The following GPC5 variants were observed in gnomAD, a reference collection of about 807,000 sequenced individuals.
GPC5 encodes glypican 5.
A neutral mutation model predicts 53.9 loss-of-function variants in GPC5; 47 were observed. That is an observed-to-expected ratio of 0.87 (90% CI 0.69 to 1.11). The LOEUF (loss-of-function observed/expected upper bound fraction) is 1.11, where lower values mean the gene tolerates loss of function less well. GPC5 is among the 50% of genes most tolerant of loss of function. The pLI is 0.00. For missense variants in GPC5, 748 were observed against 713.1 expected (o/e 1.05, Z -0.56); for synonymous variants, 286 against 263.3 (o/e 1.09, Z -0.84).
At chr13:92,422,910 A>AT (rs1413029462) in intron 7 of GPC5, among the ~76,000 whole-genome samples, 1 of 152,218 alleles carries the variant, frequency 6.6e-6, no homozygotes, top group Admixed American at 6.5e-5. Flanking sequence ...AGAATTCTGT[A>AT]TTTTGCATTA....
At chr13:91,713,746 A>G (rs1385977060) in intron 3 of GPC5, among the ~76,000 whole-genome samples, 1 of 152,216 alleles carries the variant, frequency 6.6e-6, no homozygotes, top group Non-Finnish European at 1.5e-5. Flanking sequence ...TCTTTAGTAC[A>G]TCCACTTAGA....
chr13:91,414,937 A>G (rs1878083338), intron 1 of GPC5, among the ~76,000 whole-genome samples: 1 of 152,206 alleles, frequency 6.6e-6, no homozygotes, highest in African/African-American at 2.4e-5. Flanking sequence ...GACACCCTTC[A>G]TGGTTCTCTA....
intron 7 of GPC5, among the ~76,000 whole-genome samples, chr13:92,222,086 G>A (rs1449371484): frequency 6.6e-6 from 1 of 152,096 alleles, no homozygotes; most frequent in African/African-American, 2.4e-5. Flanking sequence ...ACTAATCTGT[G>A]CAGTGTAGCA....
Position 91,948,447 on chromosome 13 carries a change from GGC to G in GPC5, c.1401+40391_1401+40392del, listed in dbSNP as rs375167001. Among the ~76,000 whole-genome samples the G allele has an allele frequency of 3.2e-3, 482 of 151,908 alleles. 6 individuals carry two copies. The highest frequency in any genetic ancestry group is 0.011 in the African/African-American group (453 of 41,442). ...GTACTACTTTCTAGGCACTGTTTTG[GGC>G]TGGGGATACATCAATGAATTCTCTC... On this transcript the variant is annotated intron_variant, in intron 6 of 7. Transcript: ENST00000377067.
intron 2 of GPC5, among the ~76,000 whole-genome samples, chr13:91,590,085 C>A (rs930020089): frequency 2.8e-4 from 42 of 151,458 alleles, no homozygotes; most frequent in African/African-American, 4.8e-4. Context: ...ATATATATGA[C>A]CTTTCATATC....
intron 7 of GPC5, among the ~76,000 whole-genome samples, chr13:92,726,741 A>T (rs953555623): frequency 6.6e-6 from 1 of 151,568 alleles, no homozygotes; most frequent in African/African-American, 2.4e-5. Context: ...TCTGAAACAA[A>T]GTTAAGCTAT....
In GPC5 at chr13:92,663,856, CTATATATATA is replaced by C. The variant is rs201565650; in HGVS notation, c.1562-202387_1562-202378del. 5.8e-3 allele frequency among the ~76,000 whole-genome samples: 511 copies of C among 88,338 alleles called. 6 individuals are homozygous for C. Among genetic ancestry groups the C allele is most frequent in the African/African-American group, 0.019 (392 of 20,692 alleles). The allele number at this position is 88,338 out of a possible 152,430, so 58.0% of individuals were successfully genotyped here. On this transcript the variant is annotated intron_variant, in intron 7 of 7. Transcript: ENST00000377067. ...CACTATATATATATACACACACACA[CTATATATATA>C]TATATATATATATATATATATATAT...
intron 7 of GPC5, among the ~76,000 whole-genome samples, chr13:92,860,422 A>T (rs958417509): frequency 5.3e-5 from 8 of 152,118 alleles, no homozygotes; most frequent in South Asian, 2.1e-4. Context: ...AAAACAACTC[A>T]TCATTTTAAA....
intron 5 of GPC5, among the ~76,000 whole-genome samples, chr13:91,782,145 G>A (rs1211821569): frequency 6.6e-6 from 1 of 152,108 alleles, no homozygotes; most frequent in Non-Finnish European, 1.5e-5. Flanking sequence ...AGCTCTTTCG[G>A]CTGTTTCTCA....
chr13:92,270,735 T>C (rs1594054228), intron 7 of GPC5, among the ~76,000 whole-genome samples: 2 of 152,220 alleles, frequency 1.3e-5, no homozygotes, highest in African/African-American at 2.4e-5. Flanking sequence ...TGTTTCATAA[T>C]AGAAAATCCC....
At chr13:91,654,708 C>A (rs1351401328) in intron 2 of GPC5, among the ~76,000 whole-genome samples, 2 of 152,126 alleles carry the variant, frequency 1.3e-5, no homozygotes, top group Non-Finnish European at 2.9e-5. Flanking sequence ...GTATTTACTG[C>A]AGTGCATTTA....
intron 7 of GPC5, among the ~76,000 whole-genome samples, chr13:92,192,172 A>G (rs1404185269): frequency 6.6e-6 from 1 of 151,900 alleles, no homozygotes. Context: ...ACTTGTTATT[A>G]TACATTTGTC....
intron 7 of GPC5, among the ~76,000 whole-genome samples, chr13:92,533,575 C>T (rs750059952): frequency 6.6e-6 from 1 of 152,072 alleles, no homozygotes; most frequent in Non-Finnish European, 1.5e-5. Context: ...GTACCTAAAA[C>T]AGGTATCTCC....
At chr13:91,879,982 T>C (rs1353299130) in intron 5 of GPC5, among the ~76,000 whole-genome samples, 1 of 152,126 alleles carries the variant, frequency 6.6e-6, no homozygotes, top group Non-Finnish European at 1.5e-5. Flanking sequence ...GTAATAGTTA[T>C]ATTTGCTTTG....
rs371524418 is a variant in GPC5 at position 92,743,203 on chromosome 13, C to T, written c.1562-123079C>T. Among the ~76,000 whole-genome samples, 19 of 151,900 alleles carry T rather than the reference C, an allele frequency of 1.3e-4. No individual in the cohort carries two copies. In the East Asian group the frequency reaches 2.3e-3, roughly 19 times the overall value. Reference sequence around the variant, plus strand: ...TATGGCCATTTTCACGATATTGATTCTTCCTATCCATGAGCATGAAATGTT... The same window carrying T: ...TATGGCCATTTTCACGATATTGATTTTTCCTATCCATGAGCATGAAATGTT... On this transcript the variant is annotated intron_variant, in intron 7 of 7. Coordinates refer to ENST00000377067, the MANE Select transcript of GPC5 (RefSeq NM_004466.6).
At chr13:91,498,239 A>ATT (rs60732957) in intron 2 of GPC5, among the ~76,000 whole-genome samples, 2,487 of 110,118 alleles carry the variant, frequency 0.023, 70 homozygotes, top group Admixed American at 0.045. Flanking sequence ...CTACCCAAAG[A>ATT]TTTTTTTTTT....
chr13:92,134,277 A>G (rs2041766813), intron 6 of GPC5, among the ~76,000 whole-genome samples: 2 of 152,166 alleles, frequency 1.3e-5, no homozygotes, highest in Admixed American at 6.5e-5. Context: ...CCAGGCAAAC[A>G]GCTAGGCATT....
intron 7 of GPC5, among the ~76,000 whole-genome samples, chr13:92,605,911 A>T (rs1350535617): frequency 6.6e-6 from 1 of 152,138 alleles, no homozygotes; most frequent in Non-Finnish European, 1.5e-5. Flanking sequence ...TAGAAACTCA[A>T]GTAAATGCTA....
rs386380203 is a variant in GPC5 at position 91,819,151 on chromosome 13, C to CT, written c.1280+62757dup. 8.9e-3 allele frequency among the ~76,000 whole-genome samples: 518 copies of CT among 58,080 alleles called. 74 individuals carry two copies. The highest frequency in any genetic ancestry group is 0.025 in the African/African-American group (336 of 13,524). 38.1% of individuals were successfully genotyped at this position (58,080 alleles called of 152,430 possible). On this transcript the variant is annotated intron_variant, in intron 5 of 7. Coordinates refer to ENST00000377067, the MANE Select transcript of GPC5 (RefSeq NM_004466.6). ...TTCTTTTTATTAAAAAAAATATGCG[C>CT]TTTTTTTTTTTTTTTTTTTTTTTTT...
Sources: gnomAD v4.1 joint callset for allele counts (sites outside exome capture counted in the v4.1 genomes callset) on GRCh38, gnomAD v4.1.1 for gene constraint, MANE v1.5 for transcripts, NCBI Gene and HGNC (gene_info 2026-07-23, HGNC 2026-07-21) for gene names.